The following ZNF385D variants were observed in gnomAD, a reference collection of about 807,000 sequenced individuals.
The protein encoded by ZNF385D is zinc finger protein 385D, also known as zinc finger protein 659.
ZNF385D carries 15 observed loss-of-function variants against 35.8 expected under a neutral mutation model. The ratio of observed to expected loss-of-function variants is 0.42; its 90% CI spans 0.28 to 0.64. The LOEUF is 0.64. Among genes scored for constraint, ZNF385D ranks in the 30% least tolerant of loss-of-function variants. The pLI is 0.23. For synonymous variants in ZNF385D, 212 were observed against 186.8 expected (o/e 1.13, Z -1.10); for missense variants, 474 against 494.6 (o/e 0.96, Z 0.39).
chr3:22,169,661 C>A lies in ZNF385D; in HGVS notation c.107-626G>T, dbSNP rs144106682. Among the ~76,000 whole-genome samples the A allele has an allele frequency of 1.7e-3, 260 of 152,242 alleles. 1 individual carries two copies. Among genetic ancestry groups the A allele is most frequent in the African/African-American group, 5.9e-3 (246 of 41,552 alleles). On this transcript the variant is annotated intron_variant, in intron 2 of 5. Transcript: ENST00000494108. ...TGAATACCCAAGATAGCCTTATAAT[C>A]AGGGTACAAAAAAAGTGTGACTGAA...
At chr3:22,136,783 A>G (rs1404573518) in intron 3 of ZNF385D, among the ~76,000 whole-genome samples, 1 of 152,196 alleles carries the variant, frequency 6.6e-6, no homozygotes, top group Non-Finnish European at 1.5e-5. Flanking sequence ...TCAAGCCACT[A>G]AAAGACATGG....
intron 3 of ZNF385D, among the ~76,000 whole-genome samples, chr3:21,796,118 T>G (rs556804060): frequency 1.3e-5 from 2 of 152,288 alleles, no homozygotes; most frequent in South Asian, 4.1e-4. Flanking sequence ...ATTTTTTTTG[T>G]AATCAAGTTC....
At chr3:22,240,042 G>C (rs1189371075) in intron 2 of ZNF385D, among the ~76,000 whole-genome samples, 1 of 149,900 alleles carries the variant, frequency 6.7e-6, no homozygotes, top group Non-Finnish European at 1.5e-5. Flanking sequence ...TATTACCCAG[G>C]TATGGTGGCA....
chr3:22,094,739 T>G (rs1701523806), intron 3 of ZNF385D, among the ~76,000 whole-genome samples: 1 of 152,020 alleles, frequency 6.6e-6, no homozygotes, highest in African/African-American at 2.4e-5. Context: ...GTGGCCACAC[T>G]GGGAAATGTG....
intron 2 of ZNF385D, among the ~76,000 whole-genome samples, chr3:22,221,488 T>C (rs1336363278): frequency 1.3e-5 from 2 of 152,066 alleles, no homozygotes; most frequent in Non-Finnish European, 2.9e-5. Flanking sequence ...TGCGTTAGAG[T>C]GTTCTTAAGA....
chr3:22,261,214 T>C (rs758620115), intron 2 of ZNF385D, among the ~76,000 whole-genome samples: 1 of 151,780 alleles, frequency 6.6e-6, no homozygotes, highest in Non-Finnish European at 1.5e-5. Context: ...AGTTAAGGGG[T>C]GAGACCAGAC....
At chr3:22,272,939 C>T (rs1701251729) in intron 2 of ZNF385D, among the ~76,000 whole-genome samples, 1 of 151,804 alleles carries the variant, frequency 6.6e-6, no homozygotes, top group African/African-American at 2.4e-5. Flanking sequence ...TAAGAGAGGA[C>T]AAAATTAATG....
At chr3:21,719,988 A>T (rs2068474798) in intron 1 of ZNF385D, among the ~76,000 whole-genome samples, 1 of 152,222 alleles carries the variant, frequency 6.6e-6, no homozygotes, top group Non-Finnish European at 1.5e-5. Flanking sequence ...TTGAAAAATA[A>T]GGAGAAAGAA....
intron 3 of ZNF385D, among the ~76,000 whole-genome samples, chr3:21,831,138 C>A (rs1244919060): frequency 6.6e-6 from 1 of 152,054 alleles, no homozygotes; most frequent in African/African-American, 2.4e-5. Flanking sequence ...TTTAGAGGCA[C>A]AATTCAATAA....
At chr3:21,816,173 C>T (rs1011478527) in intron 3 of ZNF385D, among the ~76,000 whole-genome samples, 62 of 152,090 alleles carry the variant, frequency 4.1e-4, no homozygotes, top group African/African-American at 1.2e-3. Flanking sequence ...ATTGATGGGA[C>T]GTATCTCAAA....
At chr3:22,322,171 A>G (rs750785174) in intron 2 of ZNF385D, among the ~76,000 whole-genome samples, 5 of 152,126 alleles carry the variant, frequency 3.3e-5, no homozygotes, top group Non-Finnish European at 7.4e-5. Context: ...TACTCATACC[A>G]TACATACAAT....
At chr3:22,372,614 A>T in exon 2 of ZNF385D, 1 of 711,224 alleles carries the variant, frequency 1.4e-6, no homozygotes, top group Non-Finnish European at 1.7e-6. Flanking sequence ...GCCCGCCTGC[A>T]GCTTCAACGG....
At chr3:22,368,082 C>A (rs534437024) in intron 2 of ZNF385D, among the ~76,000 whole-genome samples, 3 of 152,154 alleles carry the variant, frequency 2.0e-5, no homozygotes, top group Admixed American at 2.0e-4. Flanking sequence ...TACATGCTGG[C>A]TTGTTTTGGT....
intron 3 of ZNF385D, among the ~76,000 whole-genome samples, chr3:21,955,654 C>T (rs764635928): frequency 3.9e-5 from 6 of 152,226 alleles, no homozygotes; most frequent in African/African-American, 1.4e-4. Flanking sequence ...TCTGTTTACC[C>T]TGCTGCATAG....
chr3:21,460,902 T>C (rs1703127661), intron 4 of ZNF385D, among the ~76,000 whole-genome samples: 1 of 152,182 alleles, frequency 6.6e-6, no homozygotes, highest in Non-Finnish European at 1.5e-5. Flanking sequence ...TTGTTTACCT[T>C]AATAATCTCT....
chr3:22,177,558 A>G (rs1465568593), intron 2 of ZNF385D, among the ~76,000 whole-genome samples: 1 of 152,178 alleles, frequency 6.6e-6, no homozygotes, highest in Admixed American at 6.5e-5. Context: ...GAAGAGAGAG[A>G]TAATGTAGGC....
rs756161113 is a variant in ZNF385D at position 21,948,711 on chromosome 3, TTTCA to T, written c.325+220102_325+220105del. 6.6e-3 allele frequency among the ~76,000 whole-genome samples: 1,002 copies of T among 152,140 alleles called. 12 individuals are homozygous for T. The highest frequency in any genetic ancestry group is 0.022 in the African/African-American group (906 of 41,528). On this transcript the variant is annotated intron_variant, in intron 3 of 5. Coordinates refer to the ZNF385D transcript ENST00000494108. ...GTTTTCCAATTGCATGAGACAAATA[TTTCA>T]TTCATTGTCACTTTTTTCTCAATTT...
exon 2 of ZNF385D, chr3:22,372,625 C>T: frequency 2.0e-6 from 1 of 494,754 alleles, no homozygotes; most frequent in Non-Finnish European, 2.6e-6. Context: ...GCTTCAACGG[C>T]GGTGGTCGCC....
At chr3:21,959,338 T>C (rs1357156166) in intron 3 of ZNF385D, among the ~76,000 whole-genome samples, 1 of 151,950 alleles carries the variant, frequency 6.6e-6, no homozygotes, top group Non-Finnish European at 1.5e-5. Flanking sequence ...GCTAAGGAAA[T>C]GCAATTGCTC....
Sources: allele counts gnomAD v4.1 joint callset (sites outside exome capture counted in the v4.1 genomes callset), GRCh38; gene constraint gnomAD v4.1.1; transcripts MANE v1.5; gene names NCBI Gene and HGNC (gene_info 2026-07-23, HGNC 2026-07-21).